EPB41L1: variants seen among roughly 807,000 people sequenced by gnomAD.
The protein encoded by EPB41L1 is erythrocyte membrane protein band 4.1 like 1, also known as band 4.1-like protein 1.
Under a neutral mutation model 97.8 loss-of-function variants are expected in EPB41L1, and 29 were observed. The ratio of observed to expected loss-of-function variants is 0.30; its 90% CI spans 0.22 to 0.40. EPB41L1 has a LOEUF of 0.40. Ranked by LOEUF, EPB41L1 falls within the 10% of genes least tolerant of loss-of-function variation. The pLI is 1.00. For missense variants in EPB41L1, 812 were observed against 1,162.3 expected, an observed-to-expected ratio of 0.70 and a Z score of 4.38; for synonymous variants, 383 against 459.2, an observed-to-expected ratio of 0.83 and a Z score of 2.12.
In EPB41L1 at chr20:36,232,313, G is replaced by A. The variant is rs1316241124; in HGVS notation, c.*2973G>A. On this transcript the variant is annotated 3_prime_UTR_variant, in exon 22 of 22. Coordinates refer to ENST00000338074, the MANE Select transcript of EPB41L1 (RefSeq NM_012156.2). ...ATAGTGGAAAAAGTCCCTGAGGGCG[G>A]TTAGGAGTTCTGGGTGACCATCCTG... 2 of 307,200 alleles carry A rather than the reference G, an allele frequency of 6.5e-6. No homozygotes were observed. The highest frequency in any genetic ancestry group is 5.9e-6 in the Non-Finnish European group (1 of 169,128). The allele number at this position is 307,200 out of a possible 1,614,324, so 19.0% of individuals were successfully genotyped here.
chr20:36,187,105 C>T (rs1481475067), intron 7 of EPB41L1, among the ~76,000 whole-genome samples: 1 of 152,168 alleles, frequency 6.6e-6, no homozygotes. Flanking sequence ...CAGTAACCAG[C>T]ACATAGTACT....
chr20:36,221,990 C>T (rs932040264), intron 20 of EPB41L1, 46 bp downstream of exon 20: 6 of 1,588,714 alleles, frequency 3.8e-6, no homozygotes, highest in Non-Finnish European at 5.2e-6. Flanking sequence ...GCCCAGTCCT[C>T]AATCCCTCCT....
intron 2 of EPB41L1, chr20:36,121,673 C>T (rs1259988346): frequency 6.6e-6 from 1 of 152,110 alleles, no homozygotes; most frequent in Non-Finnish European, 1.5e-5. Flanking sequence ...CTGGAAGTGA[C>T]CACTGGGCTG....
At chr20:36,177,613 C>T (rs1265141045) in intron 3 of EPB41L1, among the ~76,000 whole-genome samples, 8 of 152,194 alleles carry the variant, frequency 5.3e-5, no homozygotes, top group African/African-American at 4.8e-5. Context: ...TCTGCCCCTT[C>T]GGTCTAAGTT....
chr20:36,194,506 G>T, intron 12 of EPB41L1, 146 bp downstream of exon 12: 1 of 1,143,588 alleles, frequency 8.7e-7, no homozygotes, highest in Non-Finnish European at 1.3e-6. Context: ...TTGCCTTTGG[G>T]TCATCTCTCA....
intron 14 of EPB41L1, chr20:36,208,439 C>T (rs761687975): frequency 5.5e-6 from 2 of 365,146 alleles, no homozygotes; most frequent in South Asian, 3.9e-5. Context: ...CCCTGATGAC[C>T]CAGTCACCTT....
rs770202295 is a variant in EPB41L1 at position 36,188,377 on chromosome 20, G to A, written c.904G>A (p.Val302Ile). 51 of 1,613,852 alleles carry A rather than the reference G, an allele frequency of 3.2e-5. No homozygotes were observed. Among genetic ancestry groups the A allele is most frequent in the East Asian group, 4.5e-5 (2 of 44,878 alleles). The part of the protein sequence containing the change: ...DSEGIDIMLG[V>I]CANGLLIYRD... ...TGAGGGCATCGACATCATGTTAGGC[G>A]TTTGTGCCAATGGCCTGCTCATCTA... The change falls in exon 9 of 22, where the codon GTT (valine) becomes ATT (isoleucine). Residue 302 changes from valine (V) to isoleucine (I), a missense_variant. Coordinates refer to ENST00000338074, the MANE Select transcript of EPB41L1 (RefSeq NM_012156.2).
In EPB41L1 at chr20:36,195,201, C is replaced by T; in HGVS notation, c.1450-128C>T. The T allele has an allele frequency of 9.0e-7, 1 of 1,116,048 alleles. No homozygotes were observed. Among genetic ancestry groups the T allele is most frequent in the Non-Finnish European group, 1.3e-6 (1 of 745,788 alleles). 69.1% of individuals were successfully genotyped at this position (1,116,048 alleles called of 1,614,324 possible). On this transcript the variant is annotated intron_variant, in intron 12 of 21. Coordinates refer to ENST00000338074, the MANE Select transcript of EPB41L1 (RefSeq NM_012156.2). This position sits in a 1 kb window ranked among gnomAD's most constrained non-coding sequence, Gnocchi z 4.6. ...GCCCTGCTGGTGGCCCACCCAGCTG[C>T]CCTGGCCTCCACTTGGTCGAGTGTG... is the stretch of plus-strand genomic sequence containing the variant.
At chr20:36,136,632 C>T (rs1467291523) in intron 2 of EPB41L1, among the ~76,000 whole-genome samples, 2 of 151,086 alleles carry the variant, frequency 1.3e-5, no homozygotes, top group East Asian at 1.9e-4. Flanking sequence ...GTTGCCTAGG[C>T]CTGAGTACAC....
At position 36,190,501 on chromosome 20, in the gene EPB41L1, T is replaced by A; in HGVS notation, c.1125-121T>A. 2 of 1,540,422 alleles carry A rather than the reference T, an allele frequency of 1.3e-6. No homozygotes were observed. The highest frequency in any genetic ancestry group is 1.8e-6 in the Non-Finnish European group (2 of 1,123,616). On this transcript the variant is annotated intron_variant, in intron 10 of 21. Transcript: ENST00000338074. The surrounding 1 kb of genome is among the most constrained non-coding windows in gnomAD (Gnocchi z 5.8). ...CCCTTTCCCCAAGTCCCTCCCTTCCTGGACCACTTTGAATTGTTGTAGTTG... is the reference window on the plus strand; with the variant it reads ...CCCTTTCCCCAAGTCCCTCCCTTCCAGGACCACTTTGAATTGTTGTAGTTG...
chr20:36,229,739 A>C lies in EPB41L1; in HGVS notation c.*399A>C, dbSNP rs1011503658. On this transcript the variant is annotated 3_prime_UTR_variant, in exon 22 of 22. Transcript: ENST00000338074. ...CAAGCCAGACCACGATGATTGTAGA[A>C]GTCCCTCCCGCCCTGGTTCTGCACG... is the stretch of plus-strand genomic sequence containing the variant. The C allele has an allele frequency of 1.8e-5, 3 of 165,432 alleles. No homozygotes were observed. Among genetic ancestry groups the C allele is most frequent in the African/African-American group, 7.2e-5 (3 of 41,756 alleles). 10.2% of individuals were successfully genotyped at this position (165,432 alleles called of 1,614,324 possible).
chr20:36,194,452 C>T (rs1201406878), intron 12 of EPB41L1, 92 bp downstream of exon 12: 2 of 1,494,708 alleles, frequency 1.3e-6, no homozygotes, highest in East Asian at 4.9e-5. Flanking sequence ...ATGCCTCCAG[C>T]TGTGGCCAAG....
intron 14 of EPB41L1, among the ~76,000 whole-genome samples, chr20:36,198,764 T>A (rs1309272191): frequency 6.6e-6 from 1 of 152,222 alleles, no homozygotes; most frequent in African/African-American, 2.4e-5. Flanking sequence ...ACTTAGGTGT[T>A]TTCTCCCTGA....
chr20:36,147,683 T>C (rs2059893185), intron 2 of EPB41L1, among the ~76,000 whole-genome samples: 1 of 152,216 alleles, frequency 6.6e-6, no homozygotes, highest in Non-Finnish European at 1.5e-5. Context: ...GCAATGGCGA[T>C]GTTAATTGAT....
chr20:36,202,783 C>G (rs971979738), intron 14 of EPB41L1, among the ~76,000 whole-genome samples: 5 of 149,436 alleles, frequency 3.3e-5, no homozygotes, highest in Non-Finnish European at 7.4e-5. Context: ...TGCACTCCAG[C>G]CTGGAAGACA....
intron 14 of EPB41L1, chr20:36,200,962 C>T (rs954495164): frequency 6.6e-6 from 3 of 456,924 alleles, no homozygotes; most frequent in East Asian, 7.0e-5. Flanking sequence ...AGAAAAGCCT[C>T]GCAGCATCTC....
chr20:36,137,776 G>A (rs1040398048), intron 2 of EPB41L1, among the ~76,000 whole-genome samples: 4 of 151,156 alleles, frequency 2.6e-5, no homozygotes, highest in African/African-American at 7.3e-5. Context: ...TGCCCGCCTC[G>A]GCCTCCCAAA....
chr20:36,099,303 C>T (rs2057933886), intron 1 of EPB41L1, among the ~76,000 whole-genome samples: 1 of 152,190 alleles, frequency 6.6e-6, no homozygotes, highest in African/African-American at 2.4e-5. Flanking sequence ...TCAATACCTA[C>T]TTCCTTTCCA....
chr20:36,187,629 AC>A, intron 7 of EPB41L1, 46 bp from the exon 8 acceptor site: 1 of 1,535,346 alleles, frequency 6.5e-7, no homozygotes, highest in Non-Finnish European at 9.0e-7. Context: ...GCAGGACTAA[AC>A]CTGGGCCTTT....
Sources: gnomAD v4.1 joint callset for allele counts (sites outside exome capture counted in the v4.1 genomes callset) on GRCh38, gnomAD v4.1.1 for gene constraint, Gnocchi (gnomAD v3.1) non-coding constraint, MANE v1.5 for transcripts, NCBI Gene and HGNC (gene_info 2026-07-23, HGNC 2026-07-21) for gene names.